The following ZNF385D variants were observed in gnomAD, a reference collection of about 807,000 sequenced individuals.
ZNF385D encodes the protein zinc finger protein 385D, also known as zinc finger protein 659.
ZNF385D carries 15 observed loss-of-function variants against 35.8 expected under a neutral mutation model. The observed-to-expected ratio is 0.42, with a 90% CI of 0.28 to 0.64. The LOEUF (loss-of-function observed/expected upper bound fraction) is 0.64, where lower values mean the gene tolerates loss of function less well. Ranked by LOEUF, ZNF385D falls within the 30% of genes least tolerant of loss-of-function variation. The pLI, the probability that ZNF385D is intolerant of heterozygous loss-of-function variation, is 0.23. For missense variants in ZNF385D, 474 were observed against 494.6 expected (o/e 0.96, Z 0.39); for synonymous variants, 212 against 186.8 (o/e 1.13, Z -1.10).
intron 3 of ZNF385D, among the ~76,000 whole-genome samples, chr3:22,094,486 G>A (rs1701510706): frequency 7.6e-6 from 1 of 130,926 alleles, no homozygotes; most frequent in South Asian, 2.7e-4. Flanking sequence ...ATTGATTGAG[G>A]GTAACTCCCA....
intron 3 of ZNF385D, among the ~76,000 whole-genome samples, chr3:21,786,442 C>T (rs1294864047): frequency 1.3e-5 from 2 of 152,078 alleles, no homozygotes; most frequent in Non-Finnish European, 2.9e-5. Context: ...TAAACATACA[C>T]AATTCACAGC....
intron 3 of ZNF385D, among the ~76,000 whole-genome samples, chr3:21,904,984 AAAAT>A (rs567457532): frequency 6.6e-6 from 1 of 152,066 alleles, no homozygotes; most frequent in Non-Finnish European, 1.5e-5. Context: ...TGATGAGTGA[AAAAT>A]AAACTACGAT....
chr3:22,319,848 A>G (rs1012570140), intron 2 of ZNF385D, among the ~76,000 whole-genome samples: 2 of 151,920 alleles, frequency 1.3e-5, no homozygotes, highest in African/African-American at 4.8e-5. Flanking sequence ...CAACTTCTGA[A>G]AATTTTTTTT....
intron 4 of ZNF385D, among the ~76,000 whole-genome samples, chr3:21,504,676 A>G (rs1338020215): frequency 6.6e-6 from 1 of 152,130 alleles, no homozygotes; most frequent in Non-Finnish European, 1.5e-5. Flanking sequence ...TATAGGCAGG[A>G]GGAAGAAAAG....
chr3:22,290,918 A>G (rs1450326067), intron 2 of ZNF385D, among the ~76,000 whole-genome samples: 3 of 152,112 alleles, frequency 2.0e-5, no homozygotes, highest in African/African-American at 7.2e-5. Context: ...ACTAATCAAT[A>G]TGTATATTTT....
chr3:21,439,072 G>C (rs1460052904), intron 4 of ZNF385D, among the ~76,000 whole-genome samples: 1 of 151,956 alleles, frequency 6.6e-6, no homozygotes. Flanking sequence ...ACAACAAGTA[G>C]CTAATTTGCG....
At chr3:22,219,249 G>T (rs935245191) in intron 2 of ZNF385D, among the ~76,000 whole-genome samples, 3 of 152,030 alleles carry the variant, frequency 2.0e-5, no homozygotes, top group Non-Finnish European at 4.4e-5. Context: ...TCCTAGATGT[G>T]TCTCTGATAT....
intron 2 of ZNF385D, among the ~76,000 whole-genome samples, chr3:22,367,925 T>C (rs1696729902): frequency 6.6e-6 from 1 of 152,192 alleles, no homozygotes; most frequent in African/African-American, 2.4e-5. Flanking sequence ...CATTTTATTC[T>C]CATGGGGACA....
chr3:22,157,090 A>G (rs2125732009), intron 3 of ZNF385D, among the ~76,000 whole-genome samples: 1 of 152,256 alleles, frequency 6.6e-6, no homozygotes, highest in East Asian at 1.9e-4. Context: ...TCCAGGCCTG[A>G]CAGCTATTGT....
At chr3:22,293,223 T>A (rs1209775578) in intron 2 of ZNF385D, among the ~76,000 whole-genome samples, 5 of 152,086 alleles carry the variant, frequency 3.3e-5, no homozygotes, top group Non-Finnish European at 7.4e-5. Context: ...TTTCATTACT[T>A]TGGAGAGCAA....
chr3:21,689,642 C>G (rs1053727053), intron 1 of ZNF385D, among the ~76,000 whole-genome samples: 10 of 152,094 alleles, frequency 6.6e-5, no homozygotes, highest in Non-Finnish European at 4.4e-5. Flanking sequence ...TGGAGGAGGT[C>G]AGTCAGGTAA....
At position 21,653,493 on chromosome 3, in the gene ZNF385D, A is replaced by G. The variant is rs1050114616; in HGVS notation, c.165+11393T>C. On this transcript the variant is annotated intron_variant, in intron 2 of 7. Transcript: ENST00000281523. Reference sequence around the variant, plus strand: ...CAGTAAGAAGCTTGCATATGTGCATAAACATATGTATACATATACATAGGT... The same window carrying G: ...CAGTAAGAAGCTTGCATATGTGCATGAACATATGTATACATATACATAGGT... Among the ~76,000 whole-genome samples the G allele has an allele frequency of 1.1e-4, 16 of 152,248 alleles. No homozygotes were observed. The East Asian group carries it at 1.9e-3, about 18-fold the overall frequency.
chr3:22,171,274 G>A (rs73048944), intron 2 of ZNF385D, among the ~76,000 whole-genome samples: 1 of 152,044 alleles, frequency 6.6e-6, no homozygotes, highest in Non-Finnish European at 1.5e-5. Context: ...CATATATTTG[G>A]AAGAAAATAT....
intron 2 of ZNF385D, among the ~76,000 whole-genome samples, chr3:22,320,095 G>A (rs1048975185): frequency 4.0e-5 from 6 of 150,930 alleles, no homozygotes; most frequent in African/African-American, 1.2e-4. Flanking sequence ...GGTGCTTCAT[G>A]TGGAATCTGG....
chr3:21,500,684 CAGG>C (rs1247511642), intron 4 of ZNF385D, among the ~76,000 whole-genome samples: 1 of 152,076 alleles, frequency 6.6e-6, no homozygotes, highest in Non-Finnish European at 1.5e-5. Context: ...GGTAATTGGG[CAGG>C]AGTTGAGAAG....
At chr3:21,689,828 T>C (rs2067224038) in intron 1 of ZNF385D, among the ~76,000 whole-genome samples, 1 of 151,046 alleles carries the variant, frequency 6.6e-6, no homozygotes, top group African/African-American at 2.4e-5. Context: ...TGAGGATCAC[T>C]GCCCTAAAAT....
At chr3:22,131,137 G>T (rs1414791524) in intron 3 of ZNF385D, among the ~76,000 whole-genome samples, 3 of 152,078 alleles carry the variant, frequency 2.0e-5, no homozygotes, top group Non-Finnish European at 4.4e-5. Context: ...AAAAAACAAA[G>T]AAGAATTCCA....
intron 3 of ZNF385D, among the ~76,000 whole-genome samples, chr3:22,056,322 A>G (rs1214589366): frequency 6.6e-6 from 1 of 151,120 alleles, no homozygotes; most frequent in African/African-American, 2.4e-5. Context: ...AATGTGATAC[A>G]GATACCTAGA....
At chr3:21,702,005 G>A (rs955432745) in intron 1 of ZNF385D, among the ~76,000 whole-genome samples, 8 of 152,180 alleles carry the variant, frequency 5.3e-5, no homozygotes, top group African/African-American at 1.4e-4. Context: ...TGGTGCAAGC[G>A]GTTGGTGGAT....
Sources: allele counts gnomAD v4.1 joint callset (sites outside exome capture counted in the v4.1 genomes callset), GRCh38; gene constraint gnomAD v4.1.1; transcripts MANE v1.5; gene names NCBI Gene and HGNC (gene_info 2026-07-23, HGNC 2026-07-21).